The following CPPED1 variants were observed in gnomAD, a reference collection of about 807,000 sequenced individuals.
The protein encoded by CPPED1 is serine/threonine-protein phosphatase CPPED1.
A neutral mutation model predicts 28.0 loss-of-function variants in CPPED1; 28 were observed. The observed-to-expected ratio is 1.00, with a 90% confidence interval of 0.74 to 1.37. The LOEUF (loss-of-function observed/expected upper bound fraction) is 1.37. Ranked by LOEUF, CPPED1 falls within the 40% of genes most tolerant of loss-of-function variation. The pLI is 0.00. For missense variants in CPPED1, 504 were observed against 416.5 expected, an observed-to-expected ratio of 1.21 and a Z score of -1.83; for synonymous variants, 198 against 180.2, an observed-to-expected ratio of 1.10 and a Z score of -0.79.
chr16:12,723,649 C>G (rs1322363024), intron 2 of CPPED1, among the ~76,000 whole-genome samples: 2 of 152,166 alleles, frequency 1.3e-5, no homozygotes, highest in Non-Finnish European at 2.9e-5. Flanking sequence ...GTGTATACCC[C>G]CAATCCTGTG....
intron 2 of CPPED1, 142 bp downstream of exon 2, chr16:12,781,043 G>A: frequency 1.5e-6 from 1 of 663,098 alleles, no homozygotes; most frequent in South Asian, 1.9e-5. Context: ...GATGTTCAAT[G>A]ATACTGCAAC....
Position 12,661,942 on chromosome 16 carries a change from A to G in CPPED1, c.*2944T>C, listed in dbSNP as rs912435291. The G allele has an allele frequency of 1.3e-5, 2 of 152,340 alleles. No homozygotes were observed. Among genetic ancestry groups the G allele is most frequent in the Admixed American group, 6.5e-5 (1 of 15,282 alleles). 9.4% of individuals were successfully genotyped at this position (152,340 alleles called of 1,614,324 possible). Reference sequence around the variant, plus strand: ...TGAATACCGTACTCAGTGTGTTGCCACTGGCTGAGCTGGTGCAACCTTTCA... The same window carrying G: ...TGAATACCGTACTCAGTGTGTTGCCGCTGGCTGAGCTGGTGCAACCTTTCA... On this transcript the variant is annotated 3_prime_UTR_variant, in exon 4 of 4. Coordinates refer to ENST00000381774, the MANE Select transcript of CPPED1 (RefSeq NM_018340.3).
At chr16:12,767,260 G>C (rs541316818) in intron 2 of CPPED1, among the ~76,000 whole-genome samples, 3 of 152,248 alleles carry the variant, frequency 2.0e-5, no homozygotes, top group African/African-American at 4.8e-5. Flanking sequence ...CCGATGTCCA[G>C]GGGCAGGAGA....
intron 2 of CPPED1, among the ~76,000 whole-genome samples, chr16:12,724,933 C>A: frequency 6.6e-6 from 1 of 150,710 alleles, no homozygotes; most frequent in African/African-American, 2.4e-5. Context: ...ACTACAGGCA[C>A]CTGCCACCAC....
At chr16:12,706,726 C>A (rs1468137674) in intron 2 of CPPED1, among the ~76,000 whole-genome samples, 3 of 152,018 alleles carry the variant, frequency 2.0e-5, no homozygotes, top group African/African-American at 7.2e-5. Flanking sequence ...GCAGACAAAC[C>A]CTAGCACCCC....
chr16:12,689,124 G>A (rs2079948793), intron 3 of CPPED1, among the ~76,000 whole-genome samples: 1 of 151,362 alleles, frequency 6.6e-6, no homozygotes, highest in East Asian at 1.9e-4. Context: ...ATGAGCTGTG[G>A]TCTGGGTTTT....
At chr16:12,783,271 G>A (rs1309661614) in intron 1 of CPPED1, among the ~76,000 whole-genome samples, 2 of 152,172 alleles carry the variant, frequency 1.3e-5, no homozygotes, top group Non-Finnish European at 2.9e-5. Context: ...GCCAAGGCGG[G>A]CAGATTACTT....
At chr16:12,686,227 GTA>G (rs149918404) in intron 3 of CPPED1, among the ~76,000 whole-genome samples, 27 of 125,396 alleles carry the variant, frequency 2.2e-4, no homozygotes, top group African/African-American at 2.8e-4. Context: ...TTTATTAATT[GTA>G]TATATATATA....
rs1460417746 is a variant in CPPED1, at chr16:12,682,361, G to A, written c.716-17246C>T. On this transcript the variant is annotated intron_variant, in intron 3 of 3. Coordinates refer to ENST00000381774, the MANE Select transcript of CPPED1 (RefSeq NM_018340.3). The surrounding 1 kb of genome is among the most constrained non-coding windows in gnomAD (Gnocchi z 6.1). ...CCTTTATTACTTTTCTACATGGGGG[G>A]CTATGCTCAACTTTTTATTTTTTCC... Among the ~76,000 whole-genome samples, 1 of 152,120 alleles carries A rather than the reference G, an allele frequency of 6.6e-6. No homozygotes were observed. Among genetic ancestry groups the A allele is most frequent in the African/African-American group, 2.4e-5 (1 of 41,438 alleles).
At chr16:12,712,325 A>G (rs536947796) in intron 2 of CPPED1, among the ~76,000 whole-genome samples, 1 of 152,286 alleles carries the variant, frequency 6.6e-6, no homozygotes, top group Non-Finnish European at 1.5e-5. Context: ...TATGGTTAAG[A>G]TCATAGCTCA....
intron 3 of CPPED1, among the ~76,000 whole-genome samples, chr16:12,701,874 G>C (rs1596451957): frequency 1.3e-5 from 2 of 152,188 alleles, no homozygotes; most frequent in South Asian, 2.1e-4. Context: ...TCCGGAGATG[G>C]AGCCATTGGA....
chr16:12,676,488 C>G (rs2079878329), intron 3 of CPPED1, among the ~76,000 whole-genome samples: 1 of 152,172 alleles, frequency 6.6e-6, no homozygotes, highest in African/African-American at 2.4e-5. Flanking sequence ...ATATCATCCC[C>G]TTTTGCAGAT....
intron 2 of CPPED1, 86 bp downstream of exon 2, chr16:12,781,099 C>T (rs1428449969): frequency 1.4e-5 from 18 of 1,266,222 alleles, no homozygotes; most frequent in South Asian, 2.7e-5. Flanking sequence ...AAGATGCCTT[C>T]GAAGCAAAAT....
At chr16:12,681,297 T>G (rs1180498189) in intron 3 of CPPED1, among the ~76,000 whole-genome samples, 1 of 152,120 alleles carries the variant, frequency 6.6e-6, no homozygotes, top group East Asian at 1.9e-4. Flanking sequence ...ATCAGAGAAG[T>G]GGCTTCCTGA....
At chr16:12,777,076 G>A (rs2080502384) in intron 2 of CPPED1, among the ~76,000 whole-genome samples, 1 of 152,124 alleles carries the variant, frequency 6.6e-6, no homozygotes, top group Admixed American at 6.6e-5. Flanking sequence ...TACTAAAGCA[G>A]GCTTGCCTCC....
At chr16:12,732,019 T>C (rs749555624) in intron 2 of CPPED1, among the ~76,000 whole-genome samples, 2 of 151,862 alleles carry the variant, frequency 1.3e-5, no homozygotes, top group Non-Finnish European at 2.9e-5. Context: ...AAAAAGTAGC[T>C]GGGCGTAGTG....
In CPPED1 at chr16:12,704,715, C is replaced by A; in HGVS notation, c.624G>T (p.Leu208=). 6.2e-7 allele frequency: 1 copy of A among 1,614,224 alleles called. No individual in the cohort carries two copies. The highest frequency in any genetic ancestry group is 1.1e-5 in the South Asian group (1 of 91,086). The change falls in exon 3 of 4, where the codon CTG becomes CTT. Residue 208 remains leucine (L), a synonymous_variant. Transcript: ENST00000381774. ...QHAIVFQHIP[L]FLESIDEDDD... ...CGTCCTCGTCGATGCTCTCCAGGAA[C>A]AGCGGGATGTGCTGGAAGACGATGG...
chr16:12,704,534 G>C, intron 3 of CPPED1, 90 bp downstream of exon 3: 1 of 1,352,936 alleles, frequency 7.4e-7, no homozygotes, highest in Non-Finnish European at 1.0e-6. Flanking sequence ...CTCCCTTTTT[G>C]ACACATTGCA....
chr16:12,680,594 A>G (rs1191913673), intron 3 of CPPED1, among the ~76,000 whole-genome samples: 1 of 152,196 alleles, frequency 6.6e-6, no homozygotes, highest in African/African-American at 2.4e-5. Flanking sequence ...CCCCCAGGGA[A>G]GAAGGAGTCT....
Sources: allele counts gnomAD v4.1 joint callset (sites outside exome capture counted in the v4.1 genomes callset), GRCh38; gene constraint gnomAD v4.1.1; non-coding constraint Gnocchi (gnomAD v3.1); transcripts MANE v1.5; gene names NCBI Gene and HGNC (gene_info 2026-07-23, HGNC 2026-07-21).